Variants in SYNE2 observed in about 807,000 individuals in gnomAD.
SYNE2 encodes the protein nesprin-2.
In SYNE2, 431 loss-of-function variants were observed where a neutral mutation model predicts 856.3. The ratio of observed to expected loss-of-function variants is 0.50; its 90% CI spans 0.47 to 0.55. The LOEUF (loss-of-function observed/expected upper bound fraction) is 0.55, where lower values mean the gene tolerates loss of function less well. Ranked by LOEUF, SYNE2 falls within the 20% of genes least tolerant of loss-of-function variation. The pLI, the probability that SYNE2 is intolerant of heterozygous loss-of-function variation, is 0.00. For synonymous variants in SYNE2, 2,923 were observed against 2,872.3 expected, an observed-to-expected ratio of 1.02 and a Z score of -0.56; for missense variants, 8,129 against 8,023.2, an observed-to-expected ratio of 1.01 and a Z score of -0.50.
intron 6 of SYNE2, 104 bp from the exon 7 acceptor site, chr14:63,949,721 A>G: frequency 1.8e-6 from 2 of 1,123,978 alleles, no homozygotes; most frequent in Non-Finnish European, 2.7e-6. Context: ...GTAAACTATG[A>G]CTGTCACAGG....
intron 65 of SYNE2, among the ~76,000 whole-genome samples, chr14:64,108,750 CTCTG>C (rs1170678917): frequency 1.4e-5 from 2 of 142,708 alleles, no homozygotes; most frequent in African/African-American, 5.2e-5. Context: ...CCCTTTCATT[CTCTG>C]TCTCTCTTAA....
Position 63,993,829 on chromosome 14 carries a change from T to C in SYNE2, c.2647-6T>C. 1 of 1,601,594 alleles carries C rather than the reference T, an allele frequency of 6.2e-7. No individual in the cohort carries two copies. The highest frequency in any genetic ancestry group is 1.4e-5 in the African/African-American group (1 of 73,976). On this transcript the variant is annotated splice_polypyrimidine_tract_variant and splice_region_variant and intron_variant, in intron 21 of 115. Transcript: ENST00000555002. The stretch of plus-strand genomic sequence containing the variant: ...TGATTTTGTTTGCAATTTTTTTTTT[T>C]TTTAGGAAGCACTAATAATTTCTAA...
At chr14:64,145,935 A>G (rs1019259370) in intron 83 of SYNE2, 133 bp from the exon 84 acceptor site, 4 of 584,420 alleles carry the variant, frequency 6.8e-6, no homozygotes, top group Non-Finnish European at 1.1e-5. Context: ...TTCAAAAGTT[A>G]TCAGAGCATC....
rs140591634 is a variant in SYNE2 at position 63,774,206 on chromosome 14, C to T, written c.-305+12220C>T. ...AAAATTGGGCAGGCGCAGTGGCTCA[C>T]GCCTGTAATCCCAGCACTTTGGGAG... On this transcript the variant is annotated intron_variant, in intron 1 of 23. Transcript: ENST00000674003. Among the ~76,000 whole-genome samples the T allele has an allele frequency of 1.2e-3, 186 of 151,448 alleles. 3 individuals carry two copies. The highest frequency in any genetic ancestry group is 1.7e-3 in the Non-Finnish European group (118 of 67,888).
At chr14:63,833,649 G>C (rs59802429) in intron 1 of SYNE2, among the ~76,000 whole-genome samples, 5,318 of 152,242 alleles carry the variant, frequency 0.035, 185 homozygotes, top group African/African-American at 0.085. Context: ...TCCCAATTCT[G>C]TTTCCAAATC....
intron 104 of SYNE2, 131 bp from the exon 105 acceptor site, chr14:64,212,680 C>G: frequency 1.2e-6 from 1 of 839,206 alleles, no homozygotes; most frequent in Non-Finnish European, 2.0e-6. Context: ...AAAACTAAAG[C>G]TAGAGTAGTA....
Position 64,167,189 on chromosome 14 carries a change from C to G in SYNE2, c.16606-44C>G, listed in dbSNP as rs373287018. ...GGAGGGTTTTTTGTCATCTAGATAT[C>G]TTATTGGCATCCAAAAACCTGTACT... On this transcript the variant is annotated intron_variant, in intron 90 of 115. Coordinates refer to ENST00000555002, the MANE Select transcript of SYNE2 (RefSeq NM_182914.3). The G allele has an allele frequency of 6.8e-6, 11 of 1,612,778 alleles. No homozygotes were observed. The Middle Eastern group carries it at 6.6e-4, about 96-fold the overall frequency.
At chr14:63,856,922 A>T (rs1334497355) in intron 1 of SYNE2, among the ~76,000 whole-genome samples, 1 of 151,846 alleles carries the variant, frequency 6.6e-6, no homozygotes, top group Non-Finnish European at 1.5e-5. Context: ...GGTGCACACT[A>T]CCATGCCTGG....
intron 32 of SYNE2, among the ~76,000 whole-genome samples, chr14:64,013,422 T>C (rs1457153485): frequency 6.6e-6 from 1 of 151,812 alleles, no homozygotes; most frequent in African/African-American, 2.4e-5. Flanking sequence ...GTGGAACCTA[T>C]CACCCAAATA....
rs2096766757 is a variant in SYNE2, at chr14:64,002,930, A to C, written c.3997A>C (p.Arg1333=). 2.5e-6 allele frequency: 4 copies of C among 1,614,126 alleles called. No individual in the cohort carries two copies. The highest frequency in any genetic ancestry group is 3.4e-6 in the Non-Finnish European group (4 of 1,180,054). Residue 1333 remains arginine, a synonymous_variant, in exon 30 of 116, where the codon AGA becomes CGA. Coordinates refer to ENST00000555002, the MANE Select transcript of SYNE2 (RefSeq NM_182914.3). The part of the protein sequence containing the change: ...KALEDFLASL[R]TAKLSAEPVT... ...TCTGGAAGACTTTTTGGCGTCTCTCAGAACAGCTAAACTCTCTGCTGAGCC... is the reference window on the plus strand; with the variant it reads ...TCTGGAAGACTTTTTGGCGTCTCTCCGAACAGCTAAACTCTCTGCTGAGCC...
At chr14:64,000,265 A>G (rs2096743742) in intron 27 of SYNE2, among the ~76,000 whole-genome samples, 1 of 152,060 alleles carries the variant, frequency 6.6e-6, no homozygotes, top group Non-Finnish European at 1.5e-5. Context: ...ACATGTATGT[A>G]TTTTTCTGAA....
At chr14:64,093,269 A>T in intron 60 of SYNE2, 80 bp from the exon 61 acceptor site, 1 of 1,547,426 alleles carries the variant, frequency 6.5e-7, no homozygotes. Flanking sequence ...TAAAACTTCC[A>T]TGGGGCTAGA....
At chr14:63,810,512 G>C (rs759972438) in intron 1 of SYNE2, among the ~76,000 whole-genome samples, 2 of 152,064 alleles carry the variant, frequency 1.3e-5, no homozygotes, top group Non-Finnish European at 2.9e-5. Context: ...TTGAAAACTT[G>C]GGATCATACC....
In SYNE2 at chr14:63,995,207, A is replaced by G; in HGVS notation, c.2940+5A>G. On this transcript the variant is annotated splice_donor_5th_base_variant and intron_variant, in intron 23 of 115. Coordinates refer to ENST00000555002, the MANE Select transcript of SYNE2 (RefSeq NM_182914.3). ...GGTCTCATCAAAGAACATGAGGTAC[A>G]ATAAAGTGTTTCCACTTAAATTTTG... The G allele has an allele frequency of 1.9e-6, 3 of 1,603,962 alleles. No homozygotes were observed. The highest frequency in any genetic ancestry group is 1.7e-6 in the Non-Finnish European group (2 of 1,173,502).
At chr14:63,904,091 G>C (rs1412529600) in intron 1 of SYNE2, among the ~76,000 whole-genome samples, 1 of 152,122 alleles carries the variant, frequency 6.6e-6, no homozygotes, top group Non-Finnish European at 1.5e-5. Flanking sequence ...TTCTGTTCCT[G>C]TGTTAATTCG....
At chr14:64,119,322 C>G in intron 66 of SYNE2, 105 bp from the exon 67 acceptor site, 1 of 1,422,570 alleles carries the variant, frequency 7.0e-7, no homozygotes, top group South Asian at 1.2e-5. Context: ...GTTTCTGGGA[C>G]TTCTTGTATA....
chr14:63,859,839 G>A (rs1010465258), intron 1 of SYNE2, among the ~76,000 whole-genome samples: 2 of 152,192 alleles, frequency 1.3e-5, no homozygotes, highest in Admixed American at 6.5e-5. Context: ...AACAAAGAAA[G>A]AAGCAAGTCA....
intron 99 of SYNE2, among the ~76,000 whole-genome samples, chr14:64,193,418 T>C (rs564198835): frequency 2.6e-5 from 4 of 152,172 alleles, no homozygotes; most frequent in South Asian, 2.1e-4. Context: ...GGCGTGGTGG[T>C]GCGCACCTGT....
intron 45 of SYNE2, among the ~76,000 whole-genome samples, chr14:64,046,698 C>T (rs1207825239): frequency 6.6e-6 from 1 of 152,196 alleles, no homozygotes; most frequent in African/African-American, 2.4e-5. Context: ...GCCCCTTCAC[C>T]AGACTCATAA....
Sources: allele counts gnomAD v4.1 joint callset (sites outside exome capture counted in the v4.1 genomes callset), GRCh38; gene constraint gnomAD v4.1.1; transcripts MANE v1.5; gene names NCBI Gene and HGNC (gene_info 2026-07-23, HGNC 2026-07-21).